The following HSCB variants were observed in gnomAD, a reference collection of about 807,000 sequenced individuals.
The protein encoded by HSCB is HscB mitochondrial iron-sulfur cluster cochaperone, also known as iron-sulfur cluster co-chaperone protein HscB.
In HSCB, 23 loss-of-function variants were observed where a neutral mutation model predicts 31.3. The observed-to-expected ratio is 0.74, with a 90% CI of 0.53 to 1.04. HSCB has a LOEUF of 1.04. Among genes scored for constraint, HSCB ranks in the 50% least tolerant of loss-of-function variants. The pLI is 0.00. For missense variants in HSCB, 297 were observed against 288.1 expected, an observed-to-expected ratio of 1.03 and a Z score of -0.22; for synonymous variants, 110 against 104.5, an observed-to-expected ratio of 1.05 and a Z score of -0.32.
intron 4 of HSCB, among the ~76,000 whole-genome samples, chr22:28,748,171 C>T (rs543193612): frequency 5.3e-5 from 8 of 152,198 alleles, no homozygotes; most frequent in Non-Finnish European, 1.2e-4. Flanking sequence ...AGTGACAGAG[C>T]GAGACTCCGA....
At chr22:28,751,573 C>G (rs2030258675) in intron 5 of HSCB, among the ~76,000 whole-genome samples, 1 of 152,078 alleles carries the variant, frequency 6.6e-6, no homozygotes, top group Non-Finnish European at 1.5e-5. Flanking sequence ...CGGTGAAACT[C>G]TGTCTCTACT....
intron 4 of HSCB, among the ~76,000 whole-genome samples, chr22:28,747,876 T>C (rs942931938): frequency 6.7e-6 from 1 of 149,502 alleles, no homozygotes; most frequent in Non-Finnish European, 1.5e-5. Flanking sequence ...TCCCCACCTT[T>C]CCCCCCCAAA....
At chr22:28,746,481 A>C (rs1456370340) in intron 4 of HSCB, among the ~76,000 whole-genome samples, 4 of 151,892 alleles carry the variant, frequency 2.6e-5, no homozygotes, top group Non-Finnish European at 5.9e-5. Flanking sequence ...GGCTGGGCAC[A>C]GTGGCTCATG....
chr22:28,757,258 G>A lies in HSCB; in HGVS notation c.*89G>A. The A allele has an allele frequency of 1.5e-6, 1 of 662,258 alleles. No homozygotes were observed. Among genetic ancestry groups the A allele is most frequent in the Non-Finnish European group, 2.7e-6 (1 of 368,238 alleles). 41.0% of individuals were successfully genotyped at this position (662,258 alleles called of 1,614,324 possible). A position where few individuals can be genotyped will look rare whatever the true frequency, so the allele number is the denominator to read the frequency against. On this transcript the variant is annotated 3_prime_UTR_variant, in exon 6 of 6. Transcript: ENST00000216027. ...TCCCAGCACTTTGGGAGGCTGAGGTGGGTGGATGACAAGGTCAGGAGTTCA... is the reference window on the plus strand; with the variant it reads ...TCCCAGCACTTTGGGAGGCTGAGGTAGGTGGATGACAAGGTCAGGAGTTCA...
Position 28,743,998 on chromosome 22 carries a change from C to T in HSCB, c.333+20C>T. ...TCTCAGGTAGCTTATTGGCCAACCC[C>T]AATAATCCCCAAATATGTGTGCACA... On this transcript the variant is annotated intron_variant, in intron 2 of 5. Transcript: ENST00000216027. 2 of 1,528,846 alleles carry T rather than the reference C, an allele frequency of 1.3e-6. No homozygotes were observed. The highest frequency in any genetic ancestry group is 1.8e-6 in the Non-Finnish European group (2 of 1,102,546). 94.7% of individuals were successfully genotyped at this position (1,528,846 alleles called of 1,614,324 possible). A position where few individuals can be genotyped will look rare whatever the true frequency, so the allele number is the denominator to read the frequency against.
chr22:28,742,252 G>A lies in HSCB; in HGVS notation c.157G>A (p.Glu53Lys), dbSNP rs2054578903. ...CGGCGGCCCATGGGGCCCCGGGCGG[G>A]AGGACAGGTTCTTCTGCCCACAGTG... ...NCGGPWGPGR[E>K]DRFFCPQCRA... is the part of the protein sequence containing the mutation. Residue 53 changes from glutamate to lysine, a missense_variant, in exon 1 of 6, where the codon GAG becomes AAG. Glu to Lys is a moderately conservative substitution (Grantham distance 56). Transcript: ENST00000216027. 1 of 1,614,120 alleles carries A rather than the reference G, an allele frequency of 6.2e-7. No individual in the cohort carries two copies. Among genetic ancestry groups the A allele is most frequent in the East Asian group, 2.2e-5 (1 of 44,862 alleles).
Position 28,744,601 on chromosome 22 carries a change from A to C in HSCB, c.334-14A>C. Reference sequence around the variant, plus strand: ...TTTGGATGGTAATAGTACTATCTTCATCTCCACTAACAGACTGAAAAGGAC... The same window carrying C: ...TTTGGATGGTAATAGTACTATCTTCCTCTCCACTAACAGACTGAAAAGGAC... On this transcript the variant is annotated splice_polypyrimidine_tract_variant and intron_variant, in intron 2 of 5. Coordinates refer to ENST00000216027, the MANE Select transcript of HSCB (RefSeq NM_172002.5). 6.4e-7 allele frequency: 1 copy of C among 1,573,344 alleles called. No homozygotes were observed.
At chr22:28,752,039 C>T (rs1451890524) in intron 5 of HSCB, among the ~76,000 whole-genome samples, 1 of 151,134 alleles carries the variant, frequency 6.6e-6, no homozygotes, top group Non-Finnish European at 1.5e-5. Flanking sequence ...TGCAGTGAGC[C>T]AAGATCACGC....
intron 3 of HSCB, chr22:28,745,560 T>C (rs2054671895): frequency 5.5e-6 from 1 of 180,914 alleles, no homozygotes; most frequent in South Asian, 1.5e-4. Context: ...AAAAAAAAAG[T>C]ATCTTACAAT....
At chr22:28,749,912 T>C (rs2030097378) in intron 4 of HSCB, among the ~76,000 whole-genome samples, 1 of 152,094 alleles carries the variant, frequency 6.6e-6, no homozygotes, top group Admixed American at 6.6e-5. Flanking sequence ...ATATTAGTAC[T>C]GGTGGTTGTG....
At chr22:28,754,965 T>G (rs987799062) in intron 5 of HSCB, among the ~76,000 whole-genome samples, 4 of 150,744 alleles carry the variant, frequency 2.7e-5, no homozygotes, top group African/African-American at 7.3e-5. Flanking sequence ...CCGGCTAATT[T>G]TTGTATTTTT....
At chr22:28,753,823 G>C (rs1482034073) in intron 5 of HSCB, among the ~76,000 whole-genome samples, 1 of 148,580 alleles carries the variant, frequency 6.7e-6, no homozygotes, top group African/African-American at 2.5e-5. Flanking sequence ...GGGTGACACA[G>C]GGAGACTCCA....
At chr22:28,742,504 A>G in intron 1 of HSCB, 173 bp downstream of exon 1, 1 of 1,195,816 alleles carries the variant, frequency 8.4e-7, no homozygotes, top group Non-Finnish European at 1.1e-6. Flanking sequence ...GGAAATTGAG[A>G]GGCGGGGACT....
Position 28,742,306 on chromosome 22 carries a change from C to A in HSCB, c.211C>A (p.Arg71=). 1 of 1,614,082 alleles carries A rather than the reference C, an allele frequency of 6.2e-7. No individual in the cohort carries two copies. Among genetic ancestry groups the A allele is most frequent in the Non-Finnish European group, 8.5e-7 (1 of 1,180,028 alleles). The change falls in exon 1 of 6, where the codon CGA becomes AGA. Residue 71 remains arginine, a synonymous_variant. Transcript: ENST00000216027. ...AGCGCTGCAGGCACCTGACCCCACTCGAGACTACTTCAGCCTTATGGACTG... is the reference window on the plus strand; with the variant it reads ...AGCGCTGCAGGCACCTGACCCCACTAGAGACTACTTCAGCCTTATGGACTG... ...CRALQAPDPT[R]DYFSLMDCNR...
intron 5 of HSCB, 114 bp from the exon 6 acceptor site, chr22:28,756,964 T>G (rs1273439832): frequency 1.4e-6 from 1 of 720,452 alleles, no homozygotes; most frequent in African/African-American, 1.8e-5. Flanking sequence ...ACTGAGGAAT[T>G]GATGAGCCCT....
At chr22:28,747,968 G>A (rs1377688393) in intron 4 of HSCB, among the ~76,000 whole-genome samples, 3 of 152,138 alleles carry the variant, frequency 2.0e-5, no homozygotes, top group Non-Finnish European at 4.4e-5. Flanking sequence ...GGCAGATCAC[G>A]AGGTCAGGAG....
intron 4 of HSCB, among the ~76,000 whole-genome samples, chr22:28,749,080 G>A (rs1227676617): frequency 6.6e-6 from 1 of 151,836 alleles, no homozygotes; most frequent in Non-Finnish European, 1.5e-5. Flanking sequence ...GGTGGAGACT[G>A]CAGTGAACCG....
At chr22:28,754,145 CA>C (rs34428847) in intron 5 of HSCB, among the ~76,000 whole-genome samples, 60,231 of 133,090 alleles carry the variant, frequency 0.45, 12,583 homozygotes, top group East Asian at 0.68. Context: ...AACAAACAAA[CA>C]AAAAAAAATC....
intron 4 of HSCB, among the ~76,000 whole-genome samples, chr22:28,750,945 C>CTTTTTTTTTTTCTTTTTTT (rs2030190014): frequency 1.8e-5 from 1 of 56,452 alleles, no homozygotes; most frequent in Non-Finnish European, 3.2e-5. Context: ...ATATCTTTGT[C>CTTTTTTTTTTTCTTTTTTT]TTTTTTTTTT....
Sources: allele counts gnomAD v4.1 joint callset (sites outside exome capture counted in the v4.1 genomes callset), GRCh38; gene constraint gnomAD v4.1.1; transcripts MANE v1.5; gene names NCBI Gene and HGNC (gene_info 2026-07-23, HGNC 2026-07-21).